The following ST18 variants were observed in gnomAD, a reference collection of about 807,000 sequenced individuals.
ST18 encodes the protein suppression of tumorigenicity 18 protein.
ST18 carries 50 observed loss-of-function variants against 110.0 expected under a neutral mutation model. The ratio of observed to expected loss-of-function variants is 0.45; its 90% CI spans 0.36 to 0.58. The LOEUF (loss-of-function observed/expected upper bound fraction) is 0.58, where lower values mean the gene tolerates loss of function less well. ST18 is among the 20% of genes least tolerant of loss of function. The probability of loss-of-function intolerance (pLI) is 0.00; values close to 1 mark genes in which losing one functional copy is unlikely to be tolerated. For synonymous variants in ST18, 461 were observed against 452.4 expected, an observed-to-expected ratio of 1.02 and a Z score of -0.24; for missense variants, 1,306 against 1,280.1, an observed-to-expected ratio of 1.02 and a Z score of -0.31.
chr8:52,346,796 G>A (rs768599878), intron 2 of ST18, among the ~76,000 whole-genome samples: 1 of 152,128 alleles, frequency 6.6e-6, no homozygotes, highest in East Asian at 1.9e-4. Flanking sequence ...GAAAGGTTTC[G>A]AGGGTGGGGA....
At chr8:52,308,444 A>C (rs771224599) in intron 2 of ST18, among the ~76,000 whole-genome samples, 2 of 152,216 alleles carry the variant, frequency 1.3e-5, no homozygotes, top group Admixed American at 6.5e-5. Flanking sequence ...AAGCTGGATA[A>C]TCTTTCTTGA....
chr8:52,285,691 A>T (rs183198859), intron 2 of ST18, among the ~76,000 whole-genome samples: 1 of 152,212 alleles, frequency 6.6e-6, no homozygotes, highest in African/African-American at 2.4e-5. Context: ...GAAATGATGG[A>T]CACCCTGCTG....
intron 2 of ST18, among the ~76,000 whole-genome samples, chr8:52,295,710 C>CTTTTTTTTTTTTTT (rs371927202): frequency 7.6e-6 from 1 of 130,846 alleles, no homozygotes; most frequent in African/African-American, 2.8e-5. Context: ...TCTTTTTTTC[C>CTTTTTTTTTTTTTT]TTTTTTTTTT....
chr8:52,164,228 GAA>G, intron 12 of ST18, 138 bp from the exon 13 acceptor site: 2 of 708,764 alleles, frequency 2.8e-6, no homozygotes, highest in Non-Finnish European at 4.8e-6. Context: ...CGCACACACT[GAA>G]AGATCCCAAA....
chr8:52,329,435 T>G (rs1404200620), intron 2 of ST18, among the ~76,000 whole-genome samples: 1 of 152,184 alleles, frequency 6.6e-6, no homozygotes, highest in African/African-American at 2.4e-5. Context: ...AACACGTTCC[T>G]TGTTTGTGAA....
At chr8:52,400,854 C>A (rs775658762) in intron 2 of ST18, among the ~76,000 whole-genome samples, 20 of 152,108 alleles carry the variant, frequency 1.3e-4, no homozygotes, top group Admixed American at 2.6e-4. Flanking sequence ...GAAAGATTTA[C>A]ACGCCACCAC....
At chr8:52,202,155 A>G (rs2078203471) in intron 8 of ST18, among the ~76,000 whole-genome samples, 1 of 152,244 alleles carries the variant, frequency 6.6e-6, no homozygotes. Flanking sequence ...GGATAGAATT[A>G]GGGAAAGAAC....
At chr8:52,388,786 A>AG (rs1359289204) in intron 2 of ST18, among the ~76,000 whole-genome samples, 1 of 121,666 alleles carries the variant, frequency 8.2e-6, no homozygotes, top group Non-Finnish European at 1.6e-5. Flanking sequence ...GGACACAGGA[A>AG]GGGGAACATC....
chr8:52,206,991 T>C (rs113333820), intron 8 of ST18, among the ~76,000 whole-genome samples: 109 of 152,242 alleles, frequency 7.2e-4, no homozygotes, highest in African/African-American at 2.6e-3. Flanking sequence ...AGTTATCACC[T>C]CCAGGAATCT....
At chr8:52,118,313 A>T in intron 24 of ST18, 25 bp downstream of exon 24, 1 of 1,453,950 alleles carries the variant, frequency 6.9e-7, no homozygotes, top group Non-Finnish European at 9.6e-7. Context: ...TACATTAAGG[A>T]TCATGAATTA....
At chr8:52,221,588 T>C (rs1346235939) in intron 4 of ST18, 52 bp downstream of exon 4, 1 of 152,182 alleles carries the variant, frequency 6.6e-6, no homozygotes, top group East Asian at 1.9e-4. Flanking sequence ...CCATGCACAT[T>C]TAAAATGTTT....
At chr8:52,238,171 A>G (rs1270690527) in intron 2 of ST18, among the ~76,000 whole-genome samples, 3 of 152,234 alleles carry the variant, frequency 2.0e-5, no homozygotes, top group Non-Finnish European at 2.9e-5. Context: ...AAATGGTTAA[A>G]CATAGAGTTT....
intron 2 of ST18, among the ~76,000 whole-genome samples, chr8:52,234,351 G>A (rs1264229481): frequency 4.0e-5 from 6 of 151,784 alleles, no homozygotes; most frequent in African/African-American, 4.8e-5. Context: ...TGCAACCTCC[G>A]CCCCCCGGAT....
At chr8:52,198,701 A>G (rs1255236177) in intron 8 of ST18, among the ~76,000 whole-genome samples, 3 of 152,224 alleles carry the variant, frequency 2.0e-5, no homozygotes, top group East Asian at 1.9e-4. Flanking sequence ...GTATATGTAT[A>G]TATATGTACA....
intron 22 of ST18, among the ~76,000 whole-genome samples, chr8:52,130,352 G>A (rs990771494): frequency 5.3e-5 from 8 of 152,148 alleles, no homozygotes; most frequent in African/African-American, 1.7e-4. Context: ...GTGCAGTGGA[G>A]CAATCACAGC....
At chr8:52,269,383 C>G (rs745538666) in intron 2 of ST18, among the ~76,000 whole-genome samples, 4 of 152,168 alleles carry the variant, frequency 2.6e-5, no homozygotes, top group South Asian at 2.1e-4. Context: ...TTCTGGGAAA[C>G]CAGGCTTCAG....
chr8:52,394,561 A>T (rs7465569), intron 2 of ST18, among the ~76,000 whole-genome samples: 146,535 of 151,660 alleles, frequency 0.97, 70,758 homozygotes, highest in East Asian at 1. Context: ...AGAAAGATTT[A>T]TTTTTATCCT....
intron 2 of ST18, among the ~76,000 whole-genome samples, chr8:52,389,051 G>C (rs1371695565): frequency 6.6e-6 from 1 of 151,854 alleles, no homozygotes; most frequent in Non-Finnish European, 1.5e-5. Context: ...CCCGAGAAGC[G>C]TGCAGCAGGC....
At chr8:52,257,331 C>T (rs771980116) in intron 2 of ST18, among the ~76,000 whole-genome samples, 92 of 152,158 alleles carry the variant, frequency 6.0e-4, no homozygotes, top group Non-Finnish European at 3.2e-4. Flanking sequence ...TTGGTAATCC[C>T]TATATTTAAT....
Sources: gnomAD v4.1 joint callset for allele counts (sites outside exome capture counted in the v4.1 genomes callset) on GRCh38, gnomAD v4.1.1 for gene constraint, MANE v1.5 for transcripts, NCBI Gene and HGNC (gene_info 2026-07-23, HGNC 2026-07-21) for gene names.